ATP8A1: variants seen among roughly 807,000 people sequenced by gnomAD.
ATP8A1 encodes phospholipid-transporting ATPase IA.
Under a neutral mutation model 177.7 loss-of-function variants are expected in ATP8A1, and 90 were observed. The observed-to-expected ratio is 0.51, with a 90% CI of 0.43 to 0.60. ATP8A1 has a LOEUF of 0.60. Ranked by LOEUF, ATP8A1 falls within the 20% of genes least tolerant of loss-of-function variation. The probability of loss-of-function intolerance (pLI) is 0.00; values close to 1 mark genes in which losing one functional copy is unlikely to be tolerated. For synonymous variants in ATP8A1, 493 were observed against 485.9 expected, an observed-to-expected ratio of 1.01 and a Z score of -0.19; for missense variants, 1,072 against 1,392.8, an observed-to-expected ratio of 0.77 and a Z score of 3.67.
chr4:42,477,279 AAAC>A (rs1357181609), intron 25 of ATP8A1, among the ~76,000 whole-genome samples: 7 of 152,362 alleles, frequency 4.6e-5, no homozygotes, highest in Admixed American at 3.9e-4. Flanking sequence ...ATTAAAATCA[AAAC>A]AACAAGGCGT....
intron 25 of ATP8A1, among the ~76,000 whole-genome samples, chr4:42,477,381 G>A (rs532246719): frequency 4.6e-5 from 7 of 152,236 alleles, no homozygotes; most frequent in African/African-American, 1.7e-4. Flanking sequence ...TCTATTCCAT[G>A]GATCTGGGAT....
chr4:42,444,969 T>C (rs1189113459), intron 31 of ATP8A1, among the ~76,000 whole-genome samples: 4 of 152,216 alleles, frequency 2.6e-5, no homozygotes, highest in Admixed American at 6.5e-5. Context: ...CCTGGGTTAA[T>C]TTGAGTTTTC....
chr4:42,568,879 A>T (rs1364828701), intron 15 of ATP8A1, among the ~76,000 whole-genome samples: 1 of 152,168 alleles, frequency 6.6e-6, no homozygotes, highest in Non-Finnish European at 1.5e-5. Context: ...GAGGTAGTCC[A>T]AAGCCCACAC....
chr4:42,656,814 C>A lies in ATP8A1; in HGVS notation c.49+11G>T. ...ACCCCGGGCTAGCCCCGAGCCTCGG[C>A]GGCCCCTTACCTTCGGCGCGCGAGC... is the stretch of plus-strand genomic sequence containing the variant. On this transcript the variant is annotated intron_variant, in intron 1 of 36. Coordinates refer to ENST00000381668, the MANE Select transcript of ATP8A1 (RefSeq NM_006095.2). 3.8e-6 allele frequency: 6 copies of A among 1,563,172 alleles called. No homozygotes were observed. The highest frequency in any genetic ancestry group is 5.2e-6 in the Non-Finnish European group (6 of 1,153,606).
intron 25 of ATP8A1, among the ~76,000 whole-genome samples, chr4:42,484,732 G>C (rs940138134): frequency 1.3e-5 from 2 of 152,182 alleles, no homozygotes; most frequent in African/African-American, 2.4e-5. Context: ...GTCCCAGGAA[G>C]AGAAGGCAAT....
chr4:42,541,173 GTAAC>G (rs1249249597), intron 20 of ATP8A1, among the ~76,000 whole-genome samples: 1 of 151,836 alleles, frequency 6.6e-6, no homozygotes, highest in African/African-American at 2.4e-5. Flanking sequence ...AAATAAAAAA[GTAAC>G]TACAATAAAA....
chr4:42,534,131 A>G (rs965737345), intron 20 of ATP8A1, among the ~76,000 whole-genome samples: 17 of 152,234 alleles, frequency 1.1e-4, no homozygotes, highest in African/African-American at 3.6e-4. Context: ...ATACCCCAAA[A>G]GATCATGCTA....
chr4:42,546,643 T>G (rs956591529), intron 19 of ATP8A1, among the ~76,000 whole-genome samples: 5 of 152,016 alleles, frequency 3.3e-5, no homozygotes, highest in African/African-American at 1.2e-4. Flanking sequence ...GCCACATCCC[T>G]TTTCAACTCT....
intron 14 of ATP8A1, among the ~76,000 whole-genome samples, chr4:42,569,924 A>G (rs369059191): frequency 2.0e-5 from 3 of 152,360 alleles, no homozygotes; most frequent in East Asian, 3.9e-4. Flanking sequence ...GAAGGGGCCC[A>G]TAATACATGA....
Position 42,581,626 on chromosome 4 carries a change from T to A in ATP8A1, c.829A>T (p.Met277Leu). 6.2e-7 allele frequency: 1 copy of A among 1,613,082 alleles called. No individual in the cohort carries two copies. The highest frequency in any genetic ancestry group is 8.5e-7 in the Non-Finnish European group (1 of 1,179,048). The change falls in exon 10 of 37, where the codon ATG becomes TTG. Residue 277 changes from methionine (M) to leucine (L), a missense_variant. By Grantham distance (15) the Met-to-Leu change is conservative. Coordinates refer to ENST00000381668, the MANE Select transcript of ATP8A1 (RefSeq NM_006095.2). Reference protein sequence around the residue: ...VVYTGHDTKLMQNSTSPPLKL... With the variant: ...VVYTGHDTKLLQNSTSPPLKL... The stretch of plus-strand genomic sequence containing the variant: ...TTCATAGAGAAAAATTTCACCTGCA[T>A]CAGCTTGGTGTCATGTCCAGTGTAG...
At chr4:42,605,434 A>G (rs201493727) in intron 5 of ATP8A1, among the ~76,000 whole-genome samples, 1 of 31,628 alleles carries the variant, frequency 3.2e-5, no homozygotes, top group South Asian at 1.7e-3. Flanking sequence ...GTTCACATGT[A>G]AAAAATAGCC....
chr4:42,578,462 C>G, intron 11 of ATP8A1, 75 bp from the exon 12 acceptor site: 1 of 1,514,316 alleles, frequency 6.6e-7, no homozygotes, highest in African/African-American at 1.4e-5. Context: ...TAGCATAATA[C>G]AAGTTTTCCA....
Position 42,607,632 on chromosome 4 carries a change from GTT to G in ATP8A1, c.410-7116_410-7115del, listed in dbSNP as rs34714525. Among the ~76,000 whole-genome samples the G allele has an allele frequency of 5.0e-3, 738 of 146,778 alleles. 11 individuals carry two copies. The East Asian group carries it at 0.057, about 11-fold the overall frequency. On this transcript the variant is annotated intron_variant, in intron 5 of 36. Coordinates refer to ENST00000381668, the MANE Select transcript of ATP8A1 (RefSeq NM_006095.2). ...CAGAGATGCTATTCTGATTCTACAG[GTT>G]TTTTTTTTTTTTTAATGTATTCATT... is the stretch of plus-strand genomic sequence containing the variant.
At chr4:42,594,253 CCTCTACACTGTT>C (rs749995353) in intron 6 of ATP8A1, 1 of 1,270,570 alleles carries the variant, frequency 7.9e-7, no homozygotes, top group Non-Finnish European at 1.1e-6. Context: ...GAGAAACCAT[CCTCTACACTGTT>C]TGAGCATCAG....
At chr4:42,414,117 T>C (rs767226350) in intron 36 of ATP8A1, among the ~76,000 whole-genome samples, 3 of 152,068 alleles carry the variant, frequency 2.0e-5, no homozygotes, top group Admixed American at 1.3e-4. Flanking sequence ...AAAAGATATA[T>C]TACTCACACA....
chr4:42,424,755 T>C (rs1714390093), intron 33 of ATP8A1, among the ~76,000 whole-genome samples: 1 of 152,272 alleles, frequency 6.6e-6, no homozygotes, highest in South Asian at 2.1e-4. Flanking sequence ...TTAAATTTTT[T>C]CTGCATTGAC....
intron 33 of ATP8A1, among the ~76,000 whole-genome samples, chr4:42,427,727 T>G (rs1406226941): frequency 6.6e-6 from 1 of 152,222 alleles, no homozygotes; most frequent in Non-Finnish European, 1.5e-5. Context: ...AAAGGGCCCA[T>G]GGCCAGAGAT....
intron 25 of ATP8A1, chr4:42,472,326 T>C (rs1720518478): frequency 2.0e-6 from 1 of 489,560 alleles, no homozygotes; most frequent in South Asian, 1.6e-5. Context: ...CTGGTGTCTA[T>C]AAGCAGCTCA....
chr4:42,475,634 T>C (rs544989585), intron 25 of ATP8A1, among the ~76,000 whole-genome samples: 1 of 152,170 alleles, frequency 6.6e-6, no homozygotes, highest in African/African-American at 2.4e-5. Flanking sequence ...AAGAGAAAAT[T>C]AGATATAATT....
Sources: allele counts gnomAD v4.1 joint callset (sites outside exome capture counted in the v4.1 genomes callset), GRCh38; gene constraint gnomAD v4.1.1; transcripts MANE v1.5; gene names NCBI Gene and HGNC (gene_info 2026-07-23, HGNC 2026-07-21).